SPATA6: variants seen among roughly 807,000 people sequenced by gnomAD.
The protein encoded by SPATA6 is spermatogenesis associated 6, also known as spermatogenesis-associated protein 6.
A neutral mutation model predicts 65.3 loss-of-function variants in SPATA6; 56 were observed. The ratio of observed to expected loss-of-function variants is 0.86; its 90% CI spans 0.69 to 1.07. The LOEUF (loss-of-function observed/expected upper bound fraction) is 1.07, where lower values mean the gene tolerates loss of function less well. Ranked by LOEUF, SPATA6 falls within the 50% of genes least tolerant of loss-of-function variation. The pLI, the probability that SPATA6 is intolerant of heterozygous loss-of-function variation, is 0.00. For synonymous variants in SPATA6, 199 were observed against 213.2 expected, an observed-to-expected ratio of 0.93 and a Z score of 0.58; for missense variants, 590 against 594.8, an observed-to-expected ratio of 0.99 and a Z score of 0.08.
intron 8 of SPATA6, among the ~76,000 whole-genome samples, chr1:48,389,361 A>T (rs1649818787): frequency 6.6e-6 from 1 of 152,226 alleles, no homozygotes; most frequent in Non-Finnish European, 1.5e-5. Flanking sequence ...TCCAAAAACT[A>T]TTTAATGAAA....
chr1:48,377,965 A>G (rs1332347432), intron 9 of SPATA6, among the ~76,000 whole-genome samples: 2 of 152,202 alleles, frequency 1.3e-5, no homozygotes, highest in Non-Finnish European at 2.9e-5. Context: ...TGGCTTCTCC[A>G]TATTTTCCAT....
intron 10 of SPATA6, 75 bp downstream of exon 10, chr1:48,359,511 T>A: frequency 6.8e-7 from 1 of 1,462,936 alleles, no homozygotes; most frequent in Admixed American, 2.1e-5. Context: ...TCATTTCACA[T>A]GCATAATTGC....
the SPATA6 span, chr1:48,262,268 C>T: frequency 6.6e-6 from 1 of 152,046 alleles, no homozygotes; most frequent in Non-Finnish European, 1.5e-5. Context: ...TGTGAATATA[C>T]AATATGCTTC....
At chr1:48,419,373 G>A (rs1009206424) in intron 3 of SPATA6, among the ~76,000 whole-genome samples, 1 of 152,206 alleles carries the variant, frequency 6.6e-6, no homozygotes, top group South Asian at 2.1e-4. Context: ...TTTGAATGAG[G>A]AGTAGAATAA....
intron 11 of SPATA6, among the ~76,000 whole-genome samples, chr1:48,346,472 C>T (rs114128825): frequency 6.5e-4 from 99 of 152,102 alleles, no homozygotes; most frequent in Non-Finnish European, 1.1e-3. Flanking sequence ...AAATCCTGGA[C>T]GGAGCAATCA....
At chr1:48,365,614 A>G (rs1324000706) in intron 9 of SPATA6, among the ~76,000 whole-genome samples, 1 of 152,146 alleles carries the variant, frequency 6.6e-6, no homozygotes, top group Non-Finnish European at 1.5e-5. Context: ...ATTGGTGTAT[A>G]AGAATTCTTG....
At chr1:48,317,846 G>C (rs1645484268) in intron 11 of SPATA6, among the ~76,000 whole-genome samples, 1 of 151,858 alleles carries the variant, frequency 6.6e-6, no homozygotes, top group South Asian at 2.1e-4. Context: ...GATACCAAAA[G>C]CACAATTTAA....
At chr1:48,317,895 GC>G (rs1645486338) in intron 11 of SPATA6, among the ~76,000 whole-genome samples, 1 of 152,012 alleles carries the variant, frequency 6.6e-6, no homozygotes, top group Non-Finnish European at 1.5e-5. Context: ...GAATACAGAT[GC>G]AAAATTTCTC....
At chr1:48,283,694 AAAAAAAGAAAG>A in the SPATA6 span, among the ~76,000 whole-genome samples, 39 of 121,086 alleles carry the variant, frequency 3.2e-4, no homozygotes, top group African/African-American at 1.3e-3. Flanking sequence ...AAAAAAAAAA[AAAAAAAGAAAG>A]AAAGAAAGAA....
chr1:48,286,488 C>T, the SPATA6 span, among the ~76,000 whole-genome samples: 2 of 152,002 alleles, frequency 1.3e-5, no homozygotes, highest in Non-Finnish European at 1.5e-5. Flanking sequence ...AGAAGTAATA[C>T]TGATTTTTTA....
the SPATA6 span, among the ~76,000 whole-genome samples, chr1:48,280,834 G>A: frequency 6.6e-6 from 1 of 152,158 alleles, no homozygotes; most frequent in Non-Finnish European, 1.5e-5. Flanking sequence ...CTCATTTTAT[G>A]AGGCCAGCAT....
chr1:48,401,456 T>C (rs895737695), intron 6 of SPATA6, among the ~76,000 whole-genome samples: 5 of 152,118 alleles, frequency 3.3e-5, no homozygotes, highest in Admixed American at 6.6e-5. Flanking sequence ...AGTAAAACTT[T>C]TAAAAAGTGA....
intron 11 of SPATA6, among the ~76,000 whole-genome samples, chr1:48,308,869 T>C (rs185350779): frequency 2.5e-3 from 377 of 152,238 alleles, no homozygotes; most frequent in Non-Finnish European, 3.9e-3. Flanking sequence ...GATTCTCTTT[T>C]TGACTCTGGC....
At chr1:48,413,017 T>C (rs1305159610) in intron 4 of SPATA6, 93 bp downstream of exon 4, 2 of 368,594 alleles carry the variant, frequency 5.4e-6, no homozygotes, top group Non-Finnish European at 8.7e-6. Flanking sequence ...TATATCCTTA[T>C]CAAATAATAT....
chr1:48,392,075 C>T (rs1650130698), intron 8 of SPATA6, among the ~76,000 whole-genome samples: 1 of 152,050 alleles, frequency 6.6e-6, no homozygotes, highest in African/African-American at 2.4e-5. Flanking sequence ...CTATTTTATT[C>T]AGAAAATATT....
At chr1:48,314,172 A>C (rs1377744336) in intron 11 of SPATA6, among the ~76,000 whole-genome samples, 1 of 152,208 alleles carries the variant, frequency 6.6e-6, no homozygotes, top group Non-Finnish European at 1.5e-5. Flanking sequence ...AATTGAACTC[A>C]GCTCTGCACC....
chr1:48,316,104 T>C (rs1255004387), intron 11 of SPATA6, among the ~76,000 whole-genome samples: 2 of 152,190 alleles, frequency 1.3e-5, no homozygotes, highest in Non-Finnish European at 2.9e-5. Flanking sequence ...ATGGCCATAC[T>C]GCCCAAGGTA....
Position 48,368,014 on chromosome 1 carries a change from T to A in SPATA6, c.910-8244A>T, listed in dbSNP as rs12024856. Among the ~76,000 whole-genome samples, 2,987 of 152,266 alleles carry A rather than the reference T, an allele frequency of 0.02. 117 individuals carry two copies. The East Asian group carries it at 0.2, about 10-fold the overall frequency. On this transcript the variant is annotated intron_variant, in intron 9 of 12. Transcript: ENST00000371847. The stretch of plus-strand genomic sequence containing the variant: ...TGGTGGTGACAAAATCTCTCAGCAT[T>A]TGCTTGTCTGTATAGTATTTTATTT...
At chr1:48,412,925 G>A (rs989159750) in intron 4 of SPATA6, among the ~76,000 whole-genome samples, 185 bp downstream of exon 4, 14 of 151,718 alleles carry the variant, frequency 9.2e-5, no homozygotes, top group Middle Eastern at 6.8e-3. Flanking sequence ...GGCCTGAAAA[G>A]ATGAGATTTT....
Sources: allele counts gnomAD v4.1 joint callset (sites outside exome capture counted in the v4.1 genomes callset), GRCh38; gene constraint gnomAD v4.1.1; transcripts MANE v1.5; gene names NCBI Gene and HGNC (gene_info 2026-07-23, HGNC 2026-07-21).